The following PRDM11 variants were observed in gnomAD, a reference collection of about 807,000 sequenced individuals.
PRDM11 encodes PR/SET domain 11.
A neutral mutation model predicts 97.8 loss-of-function variants in PRDM11; 20 were observed. The observed-to-expected ratio is 0.20, with a 90% CI of 0.14 to 0.30. The LOEUF (loss-of-function observed/expected upper bound fraction) is 0.30, where lower values mean the gene tolerates loss of function less well. Ranked by LOEUF, PRDM11 falls within the 10% of genes least tolerant of loss-of-function variation. The pLI is 1.00. For missense variants in PRDM11, 1,139 were observed against 1,555.2 expected (o/e 0.73, Z 4.50); for synonymous variants, 599 against 637.7 (o/e 0.94, Z 0.91).
At chr11:45,158,402 C>T (rs1446210770) in intron 1 of PRDM11, among the ~76,000 whole-genome samples, 2 of 152,228 alleles carry the variant, frequency 1.3e-5, no homozygotes, top group Non-Finnish European at 2.9e-5. Context: ...CAGGCTGGGC[C>T]CCAGCAGCAG....
chr11:45,149,263 C>G (rs1288876347), intron 1 of PRDM11, among the ~76,000 whole-genome samples: 1 of 152,216 alleles, frequency 6.6e-6, no homozygotes, highest in Non-Finnish European at 1.5e-5. Context: ...ACCTAGAAGT[C>G]TTTCCAGTGT....
intron 1 of PRDM11, among the ~76,000 whole-genome samples, chr11:45,149,102 C>T (rs1222324082): frequency 6.6e-6 from 1 of 152,216 alleles, no homozygotes; most frequent in Non-Finnish European, 1.5e-5. Context: ...TCCATCCCCT[C>T]TTCCCCAGTG....
intron 4 of PRDM11, among the ~76,000 whole-genome samples, chr11:45,189,592 C>G (rs1365988993): frequency 1.3e-5 from 2 of 152,174 alleles, no homozygotes; most frequent in African/African-American, 4.8e-5. Flanking sequence ...CCACTCCATG[C>G]GAGGCAGCCT....
Position 45,163,191 on chromosome 11 carries a change from C to T in PRDM11, c.-7+16314C>T, listed in dbSNP as rs111703145. On this transcript the variant is annotated intron_variant, in intron 1 of 7. Transcript: ENST00000683152. Reference sequence around the variant, plus strand: ...CCTGTGGCTGGTCTTGGTCTTCCTCCGGGCAAAACCAGGGGAGCCAGAGGG... The same window carrying T: ...CCTGTGGCTGGTCTTGGTCTTCCTCTGGGCAAAACCAGGGGAGCCAGAGGG... Among the ~76,000 whole-genome samples, 271 of 152,302 alleles carry T rather than the reference C, an allele frequency of 1.8e-3. 2 individuals carry two copies. The highest frequency in any genetic ancestry group is 5.8e-3 in the African/African-American group (240 of 41,548).
chr11:45,183,897 G>A (rs556366262), intron 4 of PRDM11, among the ~76,000 whole-genome samples: 26 of 152,300 alleles, frequency 1.7e-4, no homozygotes, highest in Middle Eastern at 3.4e-3. Context: ...GGCCAGATAA[G>A]GCAATCAGAT....
At chr11:45,117,320 A>G (rs1164428001) in intron 1 of PRDM11, among the ~76,000 whole-genome samples, 3 of 152,176 alleles carry the variant, frequency 2.0e-5, no homozygotes, top group African/African-American at 7.2e-5. Flanking sequence ...GATAACCCAA[A>G]GCATAAAATA....
intron 4 of PRDM11, among the ~76,000 whole-genome samples, chr11:45,201,965 C>T (rs1853345349): frequency 6.6e-6 from 1 of 151,716 alleles, no homozygotes; most frequent in Admixed American, 6.6e-5. Context: ...GAGCGAGACT[C>T]TGTCTCAAAA....
chr11:45,190,455 CT>C (rs373876725), intron 4 of PRDM11, among the ~76,000 whole-genome samples: 157 of 141,504 alleles, frequency 1.1e-3, no homozygotes, highest in South Asian at 2.0e-3. Flanking sequence ...GCCATACATT[CT>C]TTTTTTTTTT....
chr11:45,206,540 G>A (rs995819175), intron 5 of PRDM11, among the ~76,000 whole-genome samples: 3 of 152,152 alleles, frequency 2.0e-5, no homozygotes, highest in Admixed American at 6.5e-5. Context: ...TTAAGGCGCC[G>A]GGAGCTTTGC....
At chr11:45,198,374 A>C (rs924499914) in intron 4 of PRDM11, among the ~76,000 whole-genome samples, 1 of 152,226 alleles carries the variant, frequency 6.6e-6, no homozygotes, top group African/African-American at 2.4e-5. Context: ...TAGAGAAAAG[A>C]AGTGATGCCA....
intron 1 of PRDM11, 49 bp downstream of exon 1, chr11:45,146,926 A>T (rs1047430127): frequency 4.1e-5 from 6 of 146,018 alleles, no homozygotes; most frequent in African/African-American, 1.2e-4. Flanking sequence ...GGCTTCGGAG[A>T]GCGCTCGGCA....
At chr11:45,144,361 G>T (rs113891089), upstream of PRDM11, among the ~76,000 whole-genome samples, 1 of 152,126 alleles carries the variant, frequency 6.6e-6, no homozygotes, top group Non-Finnish European at 1.5e-5. Context: ...CGCCTGAAGC[G>T]CTGACTCCCC....
intron 1 of PRDM11, among the ~76,000 whole-genome samples, chr11:45,102,769 C>T (rs1732171169): frequency 6.6e-6 from 1 of 152,242 alleles, no homozygotes; most frequent in South Asian, 2.1e-4. Context: ...CCTCTGGCCA[C>T]AGAAGGTGGT....
chr11:45,137,429 C>CAAA (rs143576245), intron 1 of PRDM11, among the ~76,000 whole-genome samples: 28 of 140,302 alleles, frequency 2.0e-4, no homozygotes, highest in African/African-American at 7.3e-4. Context: ...GACTCCGTCT[C>CAAA]AAAAAAAAAA....
intron 1 of PRDM11, among the ~76,000 whole-genome samples, chr11:45,134,090 A>G (rs1852777828): frequency 6.6e-6 from 1 of 152,128 alleles, no homozygotes; most frequent in Non-Finnish European, 1.5e-5. Flanking sequence ...CACCTACACA[A>G]TTGCTGGGAA....
chr11:45,211,426 C>T (rs936801147), intron 5 of PRDM11, among the ~76,000 whole-genome samples: 1 of 152,194 alleles, frequency 6.6e-6, no homozygotes, highest in African/African-American at 2.4e-5. Flanking sequence ...AATCCTGCCA[C>T]AGGGATCAGC....
At chr11:45,198,457 C>T (rs763108597) in intron 4 of PRDM11, among the ~76,000 whole-genome samples, 5 of 152,160 alleles carry the variant, frequency 3.3e-5, no homozygotes, top group African/African-American at 4.8e-5. Context: ...AATGGCTTCA[C>T]CAGTCATTCT....
chr11:45,177,824 C>G (rs539176628), intron 1 of PRDM11, among the ~76,000 whole-genome samples: 9 of 152,302 alleles, frequency 5.9e-5, no homozygotes, highest in Admixed American at 5.2e-4. Context: ...ATCACTAACC[C>G]TTTTACAACA....
intron 1 of PRDM11, among the ~76,000 whole-genome samples, chr11:45,164,410 A>G (rs559140514): frequency 2.3e-4 from 35 of 152,060 alleles, no homozygotes; most frequent in Non-Finnish European, 4.7e-4. Flanking sequence ...TGCATAAATT[A>G]CTCGGCAGCC....
Sources: allele counts gnomAD v4.1 joint callset (sites outside exome capture counted in the v4.1 genomes callset), GRCh38; gene constraint gnomAD v4.1.1; transcripts MANE v1.5; gene names NCBI Gene and HGNC (gene_info 2026-07-23, HGNC 2026-07-21).